Variants in KCTD16 observed in about 807,000 individuals in gnomAD.
KCTD16 encodes the protein potassium channel tetramerization domain containing 16, also known as BTB/POZ domain-containing protein KCTD16.
In KCTD16, 13 loss-of-function variants were observed where a neutral mutation model predicts 33.2. The ratio of observed to expected loss-of-function variants is 0.39; its 90% CI spans 0.25 to 0.62. The LOEUF is 0.62. Ranked by LOEUF, KCTD16 falls within the 20% of genes least tolerant of loss-of-function variation. The probability of loss-of-function intolerance (pLI) is 0.50; values close to 1 mark genes in which losing one functional copy is unlikely to be tolerated. For missense variants in KCTD16, 441 were observed against 525.1 expected (o/e 0.84, Z 1.57); for synonymous variants, 197 against 195.3 (o/e 1.01, Z -0.07).
chr5:144,379,531 A>G (rs1752164501), intron 3 of KCTD16, among the ~76,000 whole-genome samples: 1 of 152,144 alleles, frequency 6.6e-6, no homozygotes. Flanking sequence ...ATTAAAGACA[A>G]GGAGTTCATT....
intron 2 of KCTD16, among the ~76,000 whole-genome samples, chr5:144,189,467 G>A (rs1406359877): frequency 6.7e-6 from 1 of 148,180 alleles, no homozygotes; most frequent in East Asian, 2.0e-4. Flanking sequence ...CTGCACTTCA[G>A]CCGGGGTGAC....
chr5:144,467,448 T>C (rs1216077916), intron 3 of KCTD16, among the ~76,000 whole-genome samples: 5 of 152,152 alleles, frequency 3.3e-5, no homozygotes, highest in Admixed American at 2.0e-4. Flanking sequence ...GATCTGTGTG[T>C]GCCCTGGAGC....
At chr5:144,308,994 C>CA (rs1751683901) in intron 3 of KCTD16, among the ~76,000 whole-genome samples, 2 of 152,094 alleles carry the variant, frequency 1.3e-5, no homozygotes, top group South Asian at 4.1e-4. Context: ...GAGCAGGCAA[C>CA]AGAGCCAAAA....
chr5:144,433,768 T>G (rs2126971163), intron 3 of KCTD16, among the ~76,000 whole-genome samples: 1 of 152,328 alleles, frequency 6.6e-6, no homozygotes, highest in African/African-American at 2.4e-5. Flanking sequence ...ACGATAATGA[T>G]GATGTTTGAA....
chr5:144,467,077 ATATAGTGTTATATATATTATATATAAT>A (rs1754360325), intron 3 of KCTD16, among the ~76,000 whole-genome samples: 1 of 133,610 alleles, frequency 7.5e-6, no homozygotes, highest in African/African-American at 2.7e-5. Context: ...TATATAATAT[ATATAGTGTTATATATATTATATATAAT>A]ATATATAACA....
chr5:144,297,770 C>T (rs746389701), intron 3 of KCTD16, among the ~76,000 whole-genome samples: 2 of 152,190 alleles, frequency 1.3e-5, no homozygotes, highest in Non-Finnish European at 2.9e-5. Flanking sequence ...AATTATCTAT[C>T]GCCTGAGAGC....
At chr5:144,171,556 C>T (rs1335940165) in intron 1 of KCTD16, among the ~76,000 whole-genome samples, 1 of 152,158 alleles carries the variant, frequency 6.6e-6, no homozygotes, top group Non-Finnish European at 1.5e-5. Context: ...CATTAGATGC[C>T]AGTACTCCCC....
Position 144,422,941 on chromosome 5 carries a change from C to T in KCTD16, c.833-50719C>T, listed in dbSNP as rs138400483. Among the ~76,000 whole-genome samples the T allele has an allele frequency of 1.1e-4, 17 of 152,172 alleles. No individual in the cohort carries two copies. In the East Asian group the frequency reaches 3.1e-3, roughly 28 times the overall value. On this transcript the variant is annotated intron_variant, in intron 3 of 3. Transcript: ENST00000512467. ...CTACAGGGGGAGGACCAACAAGGAC[C>T]TTTATCTTATAAGCTCACATCATAG...
rs527709615 is a variant in KCTD16, at chr5:144,231,318, A to C, written c.832+23772A>C. Among the ~76,000 whole-genome samples the C allele has an allele frequency of 1.1e-4, 16 of 152,106 alleles. No homozygotes were observed. The East Asian group carries it at 3.1e-3, about 29-fold the overall frequency. On this transcript the variant is annotated intron_variant, in intron 3 of 3. Coordinates refer to ENST00000512467, the MANE Select transcript of KCTD16 (RefSeq NM_020768.4). ...GTATTTGATTAAAAATATAGTGAGCACATACTCTCTATCAAGTATGCTCTA... is the reference window on the plus strand; with the variant it reads ...GTATTTGATTAAAAATATAGTGAGCCCATACTCTCTATCAAGTATGCTCTA...
chr5:144,207,554 C>A lies in KCTD16; in HGVS notation c.832+8C>A. On this transcript the variant is annotated splice_region_variant and intron_variant, in intron 3 of 3. Transcript: ENST00000512467. ...CTGAATATGTCTTCTACCGTAAGTA[C>A]AAAGGGTTGTTTTAATTTTTTATGT... is the stretch of plus-strand genomic sequence containing the variant. The A allele has an allele frequency of 6.3e-7, 1 of 1,592,124 alleles. No homozygotes were observed. Among genetic ancestry groups the A allele is most frequent in the Non-Finnish European group, 8.6e-7 (1 of 1,165,066 alleles).
At chr5:144,214,366 C>A (rs954458244) in intron 3 of KCTD16, among the ~76,000 whole-genome samples, 3 of 152,132 alleles carry the variant, frequency 2.0e-5, no homozygotes, top group Non-Finnish European at 4.4e-5. Context: ...ATCCTCCTTG[C>A]TGCAAATATG....
chr5:144,194,128 G>A (rs1417863176), intron 2 of KCTD16, among the ~76,000 whole-genome samples: 1 of 152,092 alleles, frequency 6.6e-6, no homozygotes, highest in Non-Finnish European at 1.5e-5. Context: ...GACTGAATTA[G>A]TCAACAAGGG....
intron 3 of KCTD16, among the ~76,000 whole-genome samples, chr5:144,425,665 A>G (rs943788549): frequency 6.6e-6 from 1 of 151,980 alleles, no homozygotes; most frequent in Non-Finnish European, 1.5e-5. Context: ...TACCTTCTGG[A>G]GTAGCAGCAT....
At chr5:144,351,141 A>T (rs1201696440) in intron 3 of KCTD16, among the ~76,000 whole-genome samples, 1 of 152,180 alleles carries the variant, frequency 6.6e-6, no homozygotes, top group Non-Finnish European at 1.5e-5. Context: ...AAAATGTTTT[A>T]TGGAGAAGAC....
intron 3 of KCTD16, among the ~76,000 whole-genome samples, chr5:144,319,668 G>A (rs1165201462): frequency 1.3e-5 from 2 of 152,154 alleles, no homozygotes; most frequent in Non-Finnish European, 2.9e-5. Flanking sequence ...AGAATGTTAT[G>A]TCATGGCTTA....
intron 3 of KCTD16, among the ~76,000 whole-genome samples, chr5:144,348,763 T>C (rs370351010): frequency 6.7e-4 from 102 of 152,324 alleles, no homozygotes; most frequent in African/African-American, 2.2e-3. Flanking sequence ...TCAAAGTATA[T>C]TTTTTAATAG....
intron 3 of KCTD16, among the ~76,000 whole-genome samples, chr5:144,332,434 C>T (rs1752383479): frequency 6.6e-6 from 1 of 152,110 alleles, no homozygotes; most frequent in Non-Finnish European, 1.5e-5. Context: ...AATCACCCAC[C>T]TTGTGCAGCC....
intron 3 of KCTD16, among the ~76,000 whole-genome samples, chr5:144,410,334 A>G (rs1016976601): frequency 1.2e-4 from 18 of 152,208 alleles, no homozygotes; most frequent in Admixed American, 4.6e-4. Flanking sequence ...CATGACACTA[A>G]TATATTAAAT....
At chr5:144,396,919 T>TAC in intron 3 of KCTD16, among the ~76,000 whole-genome samples, 1 of 144,940 alleles carries the variant, frequency 6.9e-6, no homozygotes, top group Non-Finnish European at 1.5e-5. Flanking sequence ...TTATTATATA[T>TAC]ATATATATAT....
Sources: allele counts gnomAD v4.1 joint callset (sites outside exome capture counted in the v4.1 genomes callset), GRCh38; gene constraint gnomAD v4.1.1; transcripts MANE v1.5; gene names NCBI Gene and HGNC (gene_info 2026-07-23, HGNC 2026-07-21).